NLK: variants seen among roughly 807,000 people sequenced by gnomAD.
The protein encoded by NLK is nemo like kinase, also known as serine/threonine-protein kinase NLK.
A neutral mutation model predicts 59.0 loss-of-function variants in NLK; 11 were observed. The observed-to-expected ratio is 0.19, with a 90% CI of 0.12 to 0.31. The LOEUF (loss-of-function observed/expected upper bound fraction) is 0.31, where lower values mean the gene tolerates loss of function less well. Ranked by LOEUF, NLK falls within the 10% of genes least tolerant of loss-of-function variation. NLK has a pLI of 1.00. For missense variants in NLK, 410 were observed against 661.1 expected, an observed-to-expected ratio of 0.62 and a Z score of 4.16; for synonymous variants, 235 against 235.9, an observed-to-expected ratio of 1.00 and a Z score of 0.03.
intron 1 of NLK, among the ~76,000 whole-genome samples, chr17:28,078,393 C>A (rs529531793): frequency 1.3e-5 from 2 of 152,082 alleles, no homozygotes; most frequent in Admixed American, 1.3e-4. Context: ...AGGTTTACAG[C>A]AAAATTTGGG....
At chr17:28,197,746 A>G (rs138958645), downstream of NLK, among the ~76,000 whole-genome samples, 2 of 151,858 alleles carry the variant, frequency 1.3e-5, no homozygotes, top group East Asian at 3.9e-4. Flanking sequence ...TTGTCTCTCT[A>G]TGGTATGTTA....
chr17:28,051,766 T>C (rs1567699584), intron 1 of NLK, among the ~76,000 whole-genome samples: 1 of 152,122 alleles, frequency 6.6e-6, no homozygotes, highest in African/African-American at 2.4e-5. Flanking sequence ...TTGGTAAAGT[T>C]ATTTAAACTT....
chr17:28,120,418 A>AT (rs1209622994), intron 1 of NLK, among the ~76,000 whole-genome samples: 1 of 151,876 alleles, frequency 6.6e-6, no homozygotes, highest in Non-Finnish European at 1.5e-5. Context: ...CTGGGTTCAT[A>AT]TTTTTTAAGC....
chr17:28,135,112 T>C (rs11871640), intron 3 of NLK, among the ~76,000 whole-genome samples: 6,227 of 152,296 alleles, frequency 0.041, 392 homozygotes, highest in African/African-American at 0.14. Flanking sequence ...GTAGCATTCC[T>C]ATCAGTGTGT....
At chr17:28,142,877 A>G (rs1349913479) in intron 3 of NLK, among the ~76,000 whole-genome samples, 3 of 152,154 alleles carry the variant, frequency 2.0e-5, no homozygotes, top group South Asian at 2.1e-4. Context: ...TTGCTTAAGC[A>G]TGTTTTAACT....
At chr17:28,152,273 C>T (rs1292057228) in intron 3 of NLK, among the ~76,000 whole-genome samples, 1 of 152,314 alleles carries the variant, frequency 6.6e-6, no homozygotes, top group East Asian at 1.9e-4. Context: ...TAGAATAAAG[C>T]ATATGACATT....
chr17:28,170,120 A>G (rs558901404), intron 6 of NLK, among the ~76,000 whole-genome samples: 3 of 152,310 alleles, frequency 2.0e-5, no homozygotes, highest in East Asian at 1.9e-4. Context: ...GACAACCACC[A>G]TAACAAAGCC....
intron 2 of NLK, among the ~76,000 whole-genome samples, chr17:28,124,169 G>A (rs750348973): frequency 6.6e-6 from 1 of 151,934 alleles, no homozygotes; most frequent in Admixed American, 6.6e-5. Context: ...TTTTTAAAGG[G>A]CATTGCTGTG....
intron 1 of NLK, among the ~76,000 whole-genome samples, chr17:28,055,186 G>T (rs562732090): frequency 1.3e-5 from 2 of 149,980 alleles, no homozygotes; most frequent in African/African-American, 4.9e-5. Context: ...TCTGCCTCTC[G>T]GGTTCAAGCA....
intron 1 of NLK, among the ~76,000 whole-genome samples, chr17:28,054,760 G>A (rs1300956897): frequency 6.6e-6 from 1 of 152,220 alleles, no homozygotes; most frequent in Non-Finnish European, 1.5e-5. Context: ...AACATTTAAA[G>A]GGATAGTATG....
At chr17:28,103,877 AT>A (rs1904984853) in intron 1 of NLK, among the ~76,000 whole-genome samples, 1 of 152,202 alleles carries the variant, frequency 6.6e-6, no homozygotes, top group South Asian at 2.1e-4. Flanking sequence ...ATTTTGTTGT[AT>A]ACACTCACTC....
At chr17:28,087,436 G>C (rs1910552565) in intron 1 of NLK, among the ~76,000 whole-genome samples, 1 of 152,172 alleles carries the variant, frequency 6.6e-6, no homozygotes, top group Non-Finnish European at 1.5e-5. Context: ...GAATATCAGA[G>C]ATACTGTAGA....
chr17:28,048,990 T>G (rs1448318381), intron 1 of NLK: 3 of 152,248 alleles, frequency 2.0e-5, no homozygotes, highest in Non-Finnish European at 4.4e-5. Context: ...AGTGAATTAT[T>G]TGTTGATTGG....
At chr17:28,070,503 A>G (rs972014324) in intron 1 of NLK, among the ~76,000 whole-genome samples, 2 of 150,908 alleles carry the variant, frequency 1.3e-5, no homozygotes, top group African/African-American at 4.9e-5. Flanking sequence ...ACAGGCACAC[A>G]CCACCATGCC....
At chr17:28,145,623 G>A (rs376287335) in intron 3 of NLK, among the ~76,000 whole-genome samples, 127 of 152,298 alleles carry the variant, frequency 8.3e-4, no homozygotes, top group Middle Eastern at 6.8e-3. Context: ...TTAATAAAAA[G>A]TGAATAAAGT....
intron 1 of NLK, among the ~76,000 whole-genome samples, chr17:28,113,042 C>T (rs1905593303): frequency 6.6e-6 from 1 of 152,000 alleles, no homozygotes; most frequent in Non-Finnish European, 1.5e-5. Context: ...AAAGACTCAT[C>T]CTTTTAAAAA....
intron 1 of NLK, among the ~76,000 whole-genome samples, chr17:28,114,256 A>G (rs1037113927): frequency 2.6e-5 from 4 of 152,210 alleles, no homozygotes; most frequent in Non-Finnish European, 5.9e-5. Flanking sequence ...TTTTGGTTAT[A>G]TACCTAGGAG....
At chr17:28,061,798 T>C (rs1430488649) in intron 1 of NLK, among the ~76,000 whole-genome samples, 3 of 146,250 alleles carry the variant, frequency 2.1e-5, no homozygotes, top group Non-Finnish European at 4.5e-5. Context: ...AATATATACA[T>C]ATATACATAT....
rs1193738709 is a variant in NLK, at chr17:28,183,772, TG to T, written c.1150-1406del. 2.6e-5 allele frequency among the ~76,000 whole-genome samples: 4 copies of T among 152,188 alleles called. 1 individual carries two copies. The highest frequency in any genetic ancestry group is 2.6e-4 in the Admixed American group (4 of 15,282). On this transcript the variant is annotated intron_variant, in intron 7 of 10. Coordinates refer to ENST00000407008, the MANE Select transcript of NLK (RefSeq NM_016231.5). The stretch of plus-strand genomic sequence containing the variant: ...TTACCCCACTAAGAGATTAGTTTTT[TG>T]TTTTTTTTTAAGTGGTATGAAAGTC...
Sources: allele counts gnomAD v4.1 joint callset (sites outside exome capture counted in the v4.1 genomes callset), GRCh38; gene constraint gnomAD v4.1.1; transcripts MANE v1.5; gene names NCBI Gene and HGNC (gene_info 2026-07-23, HGNC 2026-07-21).